The following KCNQ3 variants were observed in gnomAD, a reference collection of about 807,000 sequenced individuals.
KCNQ3 encodes the protein potassium voltage-gated channel subfamily Q member 3.
In KCNQ3, 30 loss-of-function variants were observed where a neutral mutation model predicts 92.5. The ratio of observed to expected loss-of-function variants is 0.32; its 90% CI spans 0.24 to 0.44. The LOEUF (loss-of-function observed/expected upper bound fraction) is 0.44, where lower values mean the gene tolerates loss of function less well. Among genes scored for constraint, KCNQ3 ranks in the 20% least tolerant of loss-of-function variants. KCNQ3 has a pLI of 1.00. For synonymous variants in KCNQ3, 450 were observed against 468.8 expected (o/e 0.96, Z 0.52); for missense variants, 913 against 1,140.3 (o/e 0.80, Z 2.87).
intron 1 of KCNQ3, among the ~76,000 whole-genome samples, chr8:132,398,727 A>G (rs1820260101): frequency 6.6e-6 from 1 of 152,242 alleles, no homozygotes; most frequent in South Asian, 2.1e-4. Flanking sequence ...AGAGGGGAGC[A>G]TGAGAGTAAG....
At chr8:132,392,922 C>CTTTTTT (rs201581471) in intron 1 of KCNQ3, among the ~76,000 whole-genome samples, 4,115 of 150,272 alleles carry the variant, frequency 0.027, 169 homozygotes, top group African/African-American at 0.094. Context: ...AAACCTTTTT[C>CTTTTTT]TTTTTTTCTG....
At chr8:132,239,511 A>G (rs1814919205) in intron 1 of KCNQ3, among the ~76,000 whole-genome samples, 1 of 152,192 alleles carries the variant, frequency 6.6e-6, no homozygotes, top group South Asian at 2.1e-4. Flanking sequence ...AAGGGAGGAG[A>G]CCAGAAGAAG....
At chr8:132,457,391 G>A (rs958382021) in intron 1 of KCNQ3, among the ~76,000 whole-genome samples, 2 of 152,136 alleles carry the variant, frequency 1.3e-5, no homozygotes, top group African/African-American at 2.4e-5. Context: ...AAGGTCACAC[G>A]CCTCCAGCTT....
At chr8:132,333,821 G>A (rs1818295772) in intron 1 of KCNQ3, among the ~76,000 whole-genome samples, 1 of 151,656 alleles carries the variant, frequency 6.6e-6, no homozygotes, top group Non-Finnish European at 1.5e-5. Context: ...GCAGCCTCCG[G>A]TTCCCGAGTT....
intron 1 of KCNQ3, among the ~76,000 whole-genome samples, chr8:132,372,491 C>T (rs1333119704): frequency 2.0e-5 from 3 of 152,110 alleles, no homozygotes; most frequent in East Asian, 1.9e-4. Context: ...CGCAGTGGCT[C>T]ACACCTGTAA....
intron 14 of KCNQ3, 93 bp from the exon 15 acceptor site, chr8:132,130,089 T>C: frequency 3.6e-5 from 51 of 1,405,056 alleles, no homozygotes; most frequent in South Asian, 7.5e-5. Flanking sequence ...TTTTTGTTTT[T>C]TTTTTTTTTT....
At chr8:132,366,473 G>C (rs1210632166) in intron 1 of KCNQ3, among the ~76,000 whole-genome samples, 1 of 151,954 alleles carries the variant, frequency 6.6e-6, no homozygotes, top group South Asian at 2.1e-4. Flanking sequence ...AGTACCTCTA[G>C]TTCAATTTTA....
intron 1 of KCNQ3, among the ~76,000 whole-genome samples, chr8:132,236,254 C>A (rs1465860367): frequency 2.0e-5 from 3 of 152,168 alleles, no homozygotes; most frequent in Non-Finnish European, 4.4e-5. Context: ...ATATTTAAAT[C>A]TTCCAGGGAG....
chr8:132,254,895 A>G (rs564308503), intron 1 of KCNQ3, among the ~76,000 whole-genome samples: 1 of 152,290 alleles, frequency 6.6e-6, no homozygotes, highest in East Asian at 1.9e-4. Context: ...TAATTAATAA[A>G]AAAGACTGGT....
chr8:132,136,951 C>T (rs996701900), intron 12 of KCNQ3, among the ~76,000 whole-genome samples: 5 of 4,232 alleles, frequency 1.2e-3, no homozygotes, highest in Non-Finnish European at 6.1e-3. Flanking sequence ...GCAACCTCCG[C>T]CCCCCCAGGT....
rs1820567057 is a variant in KCNQ3, at chr8:132,408,752, A to T, written c.386+71395T>A. ...ACGTTGGGGAGCATGTTGCCATGTA[A>T]CCACAAGGGCTGTATAGTAGCAAAG... On this transcript the variant is annotated intron_variant, in intron 1 of 14. Transcript: ENST00000388996. 3.3e-5 allele frequency among the ~76,000 whole-genome samples: 5 copies of T among 152,212 alleles called. No individual in the cohort carries two copies. The South Asian group carries it at 1.0e-3, about 32-fold the overall frequency.
chr8:132,443,373 A>AT (rs1041552217), intron 1 of KCNQ3, among the ~76,000 whole-genome samples: 2 of 130,926 alleles, frequency 1.5e-5, no homozygotes, highest in African/African-American at 5.4e-5. Flanking sequence ...AGTACAGAAA[A>AT]TTGCTTCTTT....
intron 1 of KCNQ3, chr8:132,321,640 A>G (rs956722350): frequency 6.6e-5 from 10 of 152,200 alleles, no homozygotes; most frequent in African/African-American, 2.4e-4. Flanking sequence ...TCAGCAAAGC[A>G]CTTCACATTT....
At chr8:132,270,486 G>C (rs529263841) in intron 1 of KCNQ3, among the ~76,000 whole-genome samples, 2 of 152,272 alleles carry the variant, frequency 1.3e-5, no homozygotes, top group African/African-American at 4.8e-5. Context: ...CTCTGGACAG[G>C]ACTTTGATCC....
chr8:132,293,882 A>G (rs1178269953), intron 1 of KCNQ3, among the ~76,000 whole-genome samples: 1 of 152,148 alleles, frequency 6.6e-6, no homozygotes, highest in African/African-American at 2.4e-5. Flanking sequence ...GAGTCCTGAA[A>G]AGGACTAGAA....
At chr8:132,420,338 AT>A (rs1436839500) in intron 1 of KCNQ3, among the ~76,000 whole-genome samples, 20 of 152,156 alleles carry the variant, frequency 1.3e-4, no homozygotes, top group Non-Finnish European at 5.9e-5. Context: ...GGGAAGGAAT[AT>A]TTGGGTGGGT....
chr8:132,473,860 A>G (rs1044160539), intron 1 of KCNQ3, among the ~76,000 whole-genome samples: 8 of 152,224 alleles, frequency 5.3e-5, no homozygotes, highest in African/African-American at 1.9e-4. Flanking sequence ...TCTTGTCAAC[A>G]TGCTAAGTCC....
intron 1 of KCNQ3, among the ~76,000 whole-genome samples, chr8:132,241,419 C>T (rs1000022543): frequency 4.0e-5 from 6 of 150,398 alleles, no homozygotes; most frequent in East Asian, 2.0e-4. Flanking sequence ...TACTTTGAGA[C>T]GGAATTTCGC....
chr8:132,377,639 T>C (rs1273086378), intron 1 of KCNQ3, among the ~76,000 whole-genome samples: 1 of 152,200 alleles, frequency 6.6e-6, no homozygotes, highest in Non-Finnish European at 1.5e-5. Flanking sequence ...GGTTTGTCTG[T>C]CCTGTTTATG....
Sources: allele counts gnomAD v4.1 joint callset (sites outside exome capture counted in the v4.1 genomes callset), GRCh38; gene constraint gnomAD v4.1.1; transcripts MANE v1.5; gene names NCBI Gene and HGNC (gene_info 2026-07-23, HGNC 2026-07-21).